Variants in NLRP13 observed in about 807,000 individuals in gnomAD.
The protein encoded by NLRP13 is NLR family pyrin domain containing 13.
In NLRP13, 82 loss-of-function variants were observed where a neutral mutation model predicts 94.4. The observed-to-expected ratio is 0.87, with a 90% CI of 0.73 to 1.04. The LOEUF is 1.04. Among genes scored for constraint, NLRP13 ranks in the 50% least tolerant of loss-of-function variants. The pLI is 0.00. For missense variants in NLRP13, 1,426 were observed against 1,230.8 expected (o/e 1.16, Z -2.37); for synonymous variants, 553 against 464.7 (o/e 1.19, Z -2.45).
intron 10 of NLRP13, among the ~76,000 whole-genome samples, chr19:55,897,672 C>T (rs1046042986): frequency 2.0e-5 from 3 of 152,134 alleles, no homozygotes; most frequent in Non-Finnish European, 2.9e-5. Context: ...CTGCAGATAA[C>T]GTTAACCTAT....
At chr19:55,926,312 C>T (rs928713914) in intron 1 of NLRP13, among the ~76,000 whole-genome samples, 11 of 152,192 alleles carry the variant, frequency 7.2e-5, no homozygotes, top group Non-Finnish European at 1.6e-4. Flanking sequence ...AGGACTAGTA[C>T]ATGGCTGCAA....
At chr19:55,931,889 G>T in intron 1 of NLRP13, 104 bp downstream of exon 1, 1 of 894,740 alleles carries the variant, frequency 1.1e-6, no homozygotes, top group Non-Finnish European at 1.8e-6. Context: ...GGATTTGTAG[G>T]GGGAGATCGG....
intron 10 of NLRP13, among the ~76,000 whole-genome samples, chr19:55,896,523 A>G (rs1406522652): frequency 6.7e-6 from 1 of 148,718 alleles, no homozygotes; most frequent in Non-Finnish European, 1.5e-5. Flanking sequence ...TGTCTCAAAA[A>G]AAAAAAAAAA....
intron 7 of NLRP13, 132 bp from the exon 8 acceptor site, chr19:55,905,244 AAAG>A (rs1986303256): frequency 8.5e-6 from 9 of 1,056,462 alleles, no homozygotes; most frequent in Non-Finnish European, 1.2e-5. Context: ...ACAAAAGCTT[AAAG>A]AAGGAGAAAA....
At chr19:55,923,833 G>A (rs1289477307) in intron 4 of NLRP13, 81 bp downstream of exon 4, 4 of 966,076 alleles carry the variant, frequency 4.1e-6, no homozygotes, top group Non-Finnish European at 6.7e-6. Context: ...ATGTCAGTAT[G>A]AGGCAACTCT....
In NLRP13 at chr19:55,932,268, T is replaced by C. The variant is rs1987169873; in HGVS notation, c.44A>G (p.Gln15Arg). 1 of 1,610,568 alleles carries C rather than the reference T, an allele frequency of 6.2e-7. No individual in the cohort carries two copies. The change falls in exon 1 of 11, where the codon CAA (glutamine) becomes CGA (arginine). Residue 15 changes from glutamine (Q) to arginine (R), a missense_variant. Physicochemically the swap from Gln to Arg is conservative, Grantham distance 43. Coordinates refer to ENST00000342929, the MANE Select transcript of NLRP13 (RefSeq NM_176810.2). ...GGCCATCAGGTAAGGCAGAAGCCCT[T>C]GGTTGGTACCACCGTTGGGGCAGGT... ...VITCPNGGTNQGLLPYLMALD... is the reference protein window; with the variant it reads ...VITCPNGGTNRGLLPYLMALD...
intron 4 of NLRP13, among the ~76,000 whole-genome samples, chr19:55,913,702 A>G (rs1568695935): frequency 6.6e-6 from 1 of 152,072 alleles, no homozygotes; most frequent in Non-Finnish European, 1.5e-5. Context: ...GCCTCTCACT[A>G]GAGGATTCTA....
chr19:55,928,919 A>C (rs1800239179), intron 1 of NLRP13, among the ~76,000 whole-genome samples: 1 of 152,166 alleles, frequency 6.6e-6, no homozygotes, highest in Non-Finnish European at 1.5e-5. Context: ...CAGAATCTAC[A>C]AACAACTTAA....
rs769146950 is a variant in NLRP13 at position 55,912,805 on chromosome 19, C to T, written c.1012G>A (p.Glu338Lys). The T allele has an allele frequency of 2.5e-6, 4 of 1,614,090 alleles. No individual in the cohort carries two copies. Among genetic ancestry groups the T allele is most frequent in the African/African-American group, 2.7e-5 (2 of 74,992 alleles). Residue 338 changes from glutamate (E) to lysine (K), a missense_variant, in exon 5 of 11, where the codon GAG becomes AAG. By Grantham distance (56) the Glu-to-Lys change is moderately conservative. Transcript: ENST00000342929. Reference protein sequence around the residue: ...DGSPCTDWYQELPVTKILHSL... With the variant: ...DGSPCTDWYQKLPVTKILHSL... Reference sequence around the variant, plus strand: ...TGTAGGATTTTGGTCACTGGGAGCTCCTGGTACCAGTCTGTACATGGCGAG... The same window carrying T: ...TGTAGGATTTTGGTCACTGGGAGCTTCTGGTACCAGTCTGTACATGGCGAG...
intron 4 of NLRP13, among the ~76,000 whole-genome samples, chr19:55,920,059 A>G (rs1986779802): frequency 6.6e-6 from 1 of 152,128 alleles, no homozygotes; most frequent in Non-Finnish European, 1.5e-5. Flanking sequence ...CCGCAAAGTC[A>G]ATAAAAACAC....
chr19:55,896,820 C>CAA (rs3073244), intron 10 of NLRP13, among the ~76,000 whole-genome samples: 4,351 of 79,650 alleles, frequency 0.055, 292 homozygotes, highest in Non-Finnish European at 0.073. Flanking sequence ...CTCCATCTCA[C>CAA]AAAAAAAAAA....
intron 4 of NLRP13, among the ~76,000 whole-genome samples, chr19:55,914,157 CA>C (rs1368624047): frequency 5.3e-5 from 8 of 152,262 alleles, no homozygotes; most frequent in African/African-American, 7.2e-5. Context: ...GGTTTCTTCC[CA>C]AAATGACTAC....
intron 4 of NLRP13, among the ~76,000 whole-genome samples, 161 bp from the exon 5 acceptor site, chr19:55,913,454 G>A (rs1338527687): frequency 6.7e-6 from 1 of 149,394 alleles, no homozygotes; most frequent in African/African-American, 2.5e-5. Flanking sequence ...GGAGGCTGAG[G>A]TAGGAGAATG....
chr19:55,924,637 C>T lies in NLRP13; in HGVS notation c.410G>A (p.Cys137Tyr), dbSNP rs759350786. 1 of 1,613,508 alleles carries T rather than the reference C, an allele frequency of 6.2e-7. No individual in the cohort carries two copies. Among genetic ancestry groups the T allele is most frequent in the Non-Finnish European group, 8.5e-7 (1 of 1,179,612 alleles). Reference protein sequence around the residue: ...AAAGNMQTQGCQDPNQEELDE... With the variant: ...AAAGNMQTQGYQDPNQEELDE... ...TAGTTCTTCTTGGTTTGGATCTTGG[C>T]ATCCCTGGGTCTGCATATTCCCTGA... The change falls in exon 3 of 11, where the codon TGC becomes TAC. Residue 137 changes from cysteine to tyrosine, a missense_variant. Transcript: ENST00000342929.
rs201367180 is a variant in NLRP13 at position 55,905,000 on chromosome 19, C to T, written c.2560G>A (p.Gly854Ser). 2 of 1,613,870 alleles carry T rather than the reference C, an allele frequency of 1.2e-6. No homozygotes were observed. Among genetic ancestry groups the T allele is most frequent in the Non-Finnish European group, 1.7e-6 (2 of 1,179,966 alleles). Residue 854 changes from glycine (G) to serine (S), a missense_variant, in exon 8 of 11, where the codon GGC becomes AGC. Transcript: ENST00000342929. The stretch of plus-strand genomic sequence containing the variant: ...AGGGCCGCACACAATAGCTTTATGC[C>T]ATCATCTTGGAGCCGATTAAATCCC... ...CLGFNRLQDDGIKLLCAALTH... is the reference protein window; with the variant it reads ...CLGFNRLQDDSIKLLCAALTH...
chr19:55,896,772 T>G (rs1017771376), intron 10 of NLRP13, among the ~76,000 whole-genome samples: 1 of 139,784 alleles, frequency 7.2e-6, no homozygotes, highest in Non-Finnish European at 1.5e-5. Context: ...TGAGTCAAGA[T>G]TGCGCCACTG....
At chr19:55,928,209 C>T (rs1987017376) in intron 1 of NLRP13, among the ~76,000 whole-genome samples, 1 of 152,176 alleles carries the variant, frequency 6.6e-6, no homozygotes, top group African/African-American at 2.4e-5. Flanking sequence ...CTGTGATGTG[C>T]CCCGCCTGGC....
intron 10 of NLRP13, 105 bp from the exon 11 acceptor site, chr19:55,896,224 G>A (rs536970834): frequency 7.8e-7 from 1 of 1,285,120 alleles, no homozygotes; most frequent in Non-Finnish European, 1.1e-6. Flanking sequence ...AAAGCAGACT[G>A]CTTAAGAGTG....
intron 1 of NLRP13, among the ~76,000 whole-genome samples, chr19:55,928,330 C>T (rs147335083): frequency 1.3e-4 from 20 of 152,288 alleles, no homozygotes; most frequent in East Asian, 7.7e-4. Context: ...GTGGTTATGA[C>T]GCATCACTTG....
Sources: gnomAD v4.1 joint callset for allele counts (sites outside exome capture counted in the v4.1 genomes callset) on GRCh38, gnomAD v4.1.1 for gene constraint, MANE v1.5 for transcripts, NCBI Gene and HGNC (gene_info 2026-07-23, HGNC 2026-07-21) for gene names.